TSHZ3: variants seen among roughly 807,000 people sequenced by gnomAD.
The protein encoded by TSHZ3 is teashirt zinc finger homeobox 3.
Under a neutral mutation model 64.5 loss-of-function variants are expected in TSHZ3, and 10 were observed. The ratio of observed to expected loss-of-function variants is 0.16; its 90% confidence interval spans 0.10 to 0.26. The LOEUF is 0.26. Among genes scored for constraint, TSHZ3 ranks in the 10% least tolerant of loss-of-function variants. The pLI is 1.00. For missense variants in TSHZ3, 1,242 were observed against 1,421.7 expected (o/e 0.87, Z 2.03); for synonymous variants, 608 against 593.1 (o/e 1.03, Z -0.36).
chr19:31,153,468 A>G (rs1213069493), intron 6 of TSHZ3, among the ~76,000 whole-genome samples: 2 of 152,240 alleles, frequency 1.3e-5, no homozygotes, highest in Admixed American at 6.5e-5. Flanking sequence ...AAGAAACTCT[A>G]TGATCATCAG....
chr19:31,154,455 G>A (rs1488246937), intron 6 of TSHZ3, among the ~76,000 whole-genome samples: 1 of 152,122 alleles, frequency 6.6e-6, no homozygotes, highest in Non-Finnish European at 1.5e-5. Context: ...GTGGACAGTA[G>A]GGAATAAAGA....
At chr19:31,188,194 T>C (rs1269806638) in intron 5 of TSHZ3, among the ~76,000 whole-genome samples, 1 of 151,790 alleles carries the variant, frequency 6.6e-6, no homozygotes, top group Non-Finnish European at 1.5e-5. Context: ...TTTTTGCTAG[T>C]ATATAAAAAT....
chr19:31,274,575 C>T (rs963991562), downstream of TSHZ3, among the ~76,000 whole-genome samples: 4 of 152,072 alleles, frequency 2.6e-5, no homozygotes, highest in South Asian at 2.1e-4. Context: ...CCCTGAACCC[C>T]GGGCATCCAG....
intron 1 of TSHZ3, among the ~76,000 whole-genome samples, chr19:31,252,867 C>A (rs551192224): frequency 2.0e-5 from 3 of 152,282 alleles, no homozygotes; most frequent in African/African-American, 7.2e-5. Context: ...GTGGGCATAT[C>A]TTTTTGGAGA....
chr19:31,178,336 C>G (rs1053231593), intron 5 of TSHZ3, among the ~76,000 whole-genome samples: 1 of 152,166 alleles, frequency 6.6e-6, no homozygotes, highest in South Asian at 2.1e-4. Context: ...TCGCACCCCT[C>G]CTTCATTCCT....
Position 31,279,544 on chromosome 19 carries a change from G to C in TSHZ3, c.249C>G (p.Asp83Glu). ...AGCCGCTTTCAAAGTCAGCCATTCG[G>C]TCACTGGTCTCACTGATGTGTGACT... ...DSESHISETS[D>E]RMADFESGSI... is the part of the protein sequence containing the mutation. Residue 83 changes from aspartate to glutamate, a missense_variant, in exon 2 of 2, where the codon GAC (aspartate) becomes GAG (glutamate). Around this residue, in one of 4 missense-constraint regions of TSHZ3, gnomAD observed 555 missense variants for 704.0 expected, o/e 0.79. Coordinates refer to ENST00000240587, the MANE Select transcript of TSHZ3 (RefSeq NM_020856.4). The surrounding 1 kb of genome is among the most constrained non-coding windows in gnomAD (Gnocchi z 6.4). 1.9e-6 allele frequency: 3 copies of C among 1,610,598 alleles called. No individual in the cohort carries two copies. The East Asian group carries it at 6.7e-5, about 36-fold the overall frequency.
chr19:31,290,858 C>A (rs560414672), intron 1 of TSHZ3, among the ~76,000 whole-genome samples: 1 of 152,122 alleles, frequency 6.6e-6, no homozygotes, highest in Non-Finnish European at 1.5e-5. Flanking sequence ...CTGGCCATGG[C>A]GGGATGACAA....
chr19:31,168,458 T>C (rs1285967556), intron 5 of TSHZ3, among the ~76,000 whole-genome samples: 1 of 152,208 alleles, frequency 6.6e-6, no homozygotes, highest in East Asian at 1.9e-4. Context: ...ATTGTCCAAA[T>C]TCACCCTTTC....
At chr19:31,306,478 G>A (rs1410678279) in intron 1 of TSHZ3, among the ~76,000 whole-genome samples, 1 of 152,268 alleles carries the variant, frequency 6.6e-6, no homozygotes, top group East Asian at 1.9e-4. Context: ...AAGCAAAGGC[G>A]GCTTCCATCA....
chr19:31,197,789 C>A (rs1450710738), intron 5 of TSHZ3, among the ~76,000 whole-genome samples: 2 of 151,866 alleles, frequency 1.3e-5, no homozygotes, highest in Non-Finnish European at 2.9e-5. Flanking sequence ...TATTTATTAG[C>A]AAAATTGAAT....
chr19:31,323,630 T>C (rs1568381239), intron 1 of TSHZ3, among the ~76,000 whole-genome samples: 1 of 152,092 alleles, frequency 6.6e-6, no homozygotes, highest in East Asian at 1.9e-4. Flanking sequence ...GGTTTACGAA[T>C]ACCCAGATGA....
At chr19:31,165,122 C>G (rs758659412) in intron 5 of TSHZ3, among the ~76,000 whole-genome samples, 1 of 152,220 alleles carries the variant, frequency 6.6e-6, no homozygotes, top group Non-Finnish European at 1.5e-5. Flanking sequence ...CGCTGCCCAG[C>G]CTTTGCCCTG....
intron 4 of TSHZ3, among the ~76,000 whole-genome samples, chr19:31,216,858 A>G: frequency 6.6e-6 from 1 of 151,712 alleles, no homozygotes; most frequent in South Asian, 2.1e-4. Flanking sequence ...TGGTTTCACC[A>G]TGTTAGCCAG....
intron 1 of TSHZ3, among the ~76,000 whole-genome samples, chr19:31,249,376 A>T (rs1310814366): frequency 6.6e-6 from 1 of 152,154 alleles, no homozygotes; most frequent in African/African-American, 2.4e-5. Flanking sequence ...ACTGATATGA[A>T]GATGGTCCCA....
chr19:31,160,675 T>C (rs1974363821), intron 5 of TSHZ3, among the ~76,000 whole-genome samples: 1 of 151,558 alleles, frequency 6.6e-6, no homozygotes, highest in Admixed American at 6.6e-5. Flanking sequence ...CACACATACA[T>C]ACACACAGAC....
intron 1 of TSHZ3, among the ~76,000 whole-genome samples, chr19:31,268,133 C>T (rs114599111): frequency 0.014 from 2,123 of 152,258 alleles, 54 homozygotes; most frequent in African/African-American, 0.048. Flanking sequence ...TGCTGTCTTG[C>T]CTGCCACCAT....
At chr19:31,274,572 C>A (rs933999567), downstream of TSHZ3, among the ~76,000 whole-genome samples, 5 of 151,952 alleles carry the variant, frequency 3.3e-5, no homozygotes, top group African/African-American at 7.3e-5. Context: ...GGGCCCTGAA[C>A]CCCGGGCATC....
intron 6 of TSHZ3, among the ~76,000 whole-genome samples, chr19:31,156,164 A>G (rs557949370): frequency 1.4e-4 from 22 of 152,206 alleles, no homozygotes; most frequent in Non-Finnish European, 2.5e-4. Context: ...TTTATTGTAT[A>G]TGCTCTAGAA....
intron 1 of TSHZ3, among the ~76,000 whole-genome samples, chr19:31,325,301 C>T (rs928636511): frequency 5.9e-5 from 9 of 152,186 alleles, no homozygotes; most frequent in African/African-American, 1.9e-4. Flanking sequence ...TCAGTTTTCC[C>T]GTCCATCCAA....
Sources: gnomAD v4.1 joint callset for allele counts (sites outside exome capture counted in the v4.1 genomes callset) on GRCh38, gnomAD v4.1.1 for gene constraint, gnomAD v4.1.1 regional missense constraint, Gnocchi (gnomAD v3.1) non-coding constraint, MANE v1.5 for transcripts, NCBI Gene and HGNC (gene_info 2026-07-23, HGNC 2026-07-21) for gene names.